The following ABCB7 variants were observed in gnomAD, a reference collection of about 807,000 sequenced individuals.
ABCB7 encodes iron-sulfur clusters transporter ABCB7, mitochondrial.
In ABCB7, 7 loss-of-function variants were observed where a neutral mutation model predicts 54.4. The observed-to-expected ratio is 0.13, with a 90% confidence interval of 0.07 to 0.24. ABCB7 has a LOEUF of 0.24. Ranked by LOEUF, ABCB7 falls within the 10% of genes least tolerant of loss-of-function variation. ABCB7 has a pLI of 1.00. For missense variants in ABCB7, 356 were observed against 570.4 expected (o/e 0.62, Z 3.83); for synonymous variants, 218 against 207.1 (o/e 1.05, Z -0.45).
chrX:75,075,238 T>G, intron 6 of ABCB7, 124 bp downstream of exon 6: 1 of 760,316 alleles, frequency 1.3e-6, no homozygotes, highest in Non-Finnish European at 1.9e-6. Context: ...TGCATAATAT[T>G]TCTGGCATCA....
intron 1 of ABCB7, among the ~76,000 whole-genome samples, chrX:75,115,583 CT>C (rs1204609689): frequency 9.2e-6 from 1 of 108,348 alleles, no homozygotes; most frequent in Non-Finnish European, 1.9e-5. Context: ...CTTCTTTCGT[CT>C]TAATCGGAAT....
At chrX:75,056,029 C>T (rs923637622) in intron 15 of ABCB7, among the ~76,000 whole-genome samples, 2 of 111,257 alleles carry the variant, frequency 1.8e-5, no homozygotes, top group Non-Finnish European at 3.8e-5. Context: ...AATACATCTT[C>T]AGTGCATTAC....
At chrX:75,056,053 T>C in intron 15 of ABCB7, among the ~76,000 whole-genome samples, 1 of 111,567 alleles carries the variant, frequency 9.0e-6, no homozygotes, top group African/African-American at 3.3e-5. Flanking sequence ...AGGAGGTACA[T>C]GAGTTCAATT....
intron 12 of ABCB7, among the ~76,000 whole-genome samples, chrX:75,066,985 C>A (rs2147458698): frequency 9.0e-6 from 1 of 111,710 alleles, no homozygotes; most frequent in East Asian, 2.8e-4. Flanking sequence ...CTGTAATGAA[C>A]ATATTTGCAT....
At chrX:75,152,670 T>C (rs987789490) in intron 1 of ABCB7, among the ~76,000 whole-genome samples, 6 of 109,980 alleles carry the variant, frequency 5.5e-5, no homozygotes, top group Admixed American at 9.6e-5. Context: ...TTTTTTTTTC[T>C]TTTTTTTGAG....
chrX:75,149,614 C>G (rs989702363), intron 1 of ABCB7, among the ~76,000 whole-genome samples: 1 of 111,000 alleles, frequency 9.0e-6, no homozygotes, highest in Non-Finnish European at 1.9e-5. Flanking sequence ...TGTAACATAC[C>G]GTGCCTAGCT....
Position 75,061,491 on chromosome X carries a change from C to T in ABCB7, c.1935+837G>A, listed in dbSNP as rs887025688. Among the ~76,000 whole-genome samples the T allele has an allele frequency of 3.6e-5, 4 of 111,596 alleles. No homozygotes were observed. The Admixed American group carries it at 3.8e-4, about 11-fold the overall frequency. ...TAAATATATGCTAACCAATTCACTT[C>T]AAAATTAAATTGCTTTAAATATGCT... On this transcript the variant is annotated intron_variant, in intron 14 of 15. Coordinates refer to ENST00000373394, the MANE Select transcript of ABCB7 (RefSeq NM_001271696.3).
chrX:75,070,823 G>A (rs1160152878), intron 9 of ABCB7, among the ~76,000 whole-genome samples: 1 of 110,932 alleles, frequency 9.0e-6, no homozygotes, highest in East Asian at 2.8e-4. Flanking sequence ...ACTAGCAATG[G>A]TTTCTTTGTA....
intron 1 of ABCB7, among the ~76,000 whole-genome samples, chrX:75,154,317 C>T (rs2082156720): frequency 9.0e-6 from 1 of 111,527 alleles, no homozygotes; most frequent in Non-Finnish European, 1.9e-5. Flanking sequence ...AATAACTTCT[C>T]CTTTTCCCTC....
chrX:75,053,881 A>G (rs577370588), intron 15 of ABCB7, among the ~76,000 whole-genome samples: 3 of 112,209 alleles, frequency 2.7e-5, no homozygotes, highest in African/African-American at 9.7e-5. Context: ...GAAGGGAAGA[A>G]AGGGAAGGTT....
intron 8 of ABCB7, among the ~76,000 whole-genome samples, chrX:75,072,401 A>C (rs2081369864): frequency 8.9e-6 from 1 of 111,781 alleles, no homozygotes; most frequent in African/African-American, 3.2e-5. Flanking sequence ...ACTTACACAA[A>C]CCTAGATGGT....
intron 1 of ABCB7, among the ~76,000 whole-genome samples, chrX:75,137,764 G>A (rs2082020980): frequency 8.9e-6 from 1 of 111,811 alleles, no homozygotes; most frequent in South Asian, 3.7e-4. Flanking sequence ...TAAGCTAACA[G>A]ACGTAAAGAG....
intron 3 of ABCB7, among the ~76,000 whole-genome samples, chrX:75,105,656 G>T (rs2147513523): frequency 9.0e-6 from 1 of 111,521 alleles, no homozygotes; most frequent in Admixed American, 9.5e-5. Context: ...AGAAAAAACT[G>T]TTCTAAAATT....
At position 75,099,156 on chromosome X, in the gene ABCB7, T is replaced by C. The variant is rs2081617795; in HGVS notation, c.334-95A>G. The C allele has an allele frequency of 4.2e-6, 4 of 941,817 alleles. No individual in the cohort carries two copies. In the Admixed American group the frequency reaches 7.9e-5, roughly 19 times the overall value. The allele number at this position is 941,817 out of a possible 1,213,427, so 77.6% of individuals were successfully genotyped here. A position where few individuals can be genotyped will look rare whatever the true frequency, so the allele number is the denominator to read the frequency against. The stretch of plus-strand genomic sequence containing the variant: ...AGAATTTATATATTTGAGAAATACA[T>C]GAAAACATTACAAATATAACTTTTA... On this transcript the variant is annotated intron_variant, in intron 3 of 15. Transcript: ENST00000373394.
rs140993578 is a variant in ABCB7 at position 75,126,344 on chromosome X, C to T, written c.169-11513G>A. On this transcript the variant is annotated intron_variant, in intron 1 of 15. Coordinates refer to ENST00000373394, the MANE Select transcript of ABCB7 (RefSeq NM_001271696.3). ...TTTGGCTGCTTGAAATAAGTAAGTT[C>T]TTTGAAACAAATGAGAACAATGACA... Among the ~76,000 whole-genome samples the T allele has an allele frequency of 8.6e-3, 965 of 111,779 alleles. 5 individuals carry two copies. Among genetic ancestry groups the T allele is most frequent in the Non-Finnish European group, 0.014 (728 of 53,061 alleles).
At chrX:75,059,283 G>A (rs12389936) in intron 15 of ABCB7, among the ~76,000 whole-genome samples, 3,142 of 110,126 alleles carry the variant, frequency 0.029, 116 homozygotes, top group African/African-American at 0.1. Flanking sequence ...TTTAAGACCA[G>A]CCTGGGCAAC....
intron 1 of ABCB7, among the ~76,000 whole-genome samples, chrX:75,147,059 A>C (rs2082096778): frequency 8.9e-6 from 1 of 111,914 alleles, no homozygotes. Flanking sequence ...AGCACACAAA[A>C]AAAAAAATGC....
chrX:75,067,310 A>G (rs1358710329), intron 12 of ABCB7, among the ~76,000 whole-genome samples: 1 of 111,370 alleles, frequency 9.0e-6, no homozygotes, highest in African/African-American at 3.3e-5. Flanking sequence ...CTGATGATGT[A>G]TATTTTCCCT....
At chrX:75,105,023 A>G (rs929746946) in intron 3 of ABCB7, among the ~76,000 whole-genome samples, 1 of 111,690 alleles carries the variant, frequency 9.0e-6, no homozygotes, top group Non-Finnish European at 1.9e-5. Flanking sequence ...CATAGAAAAA[A>G]TACACCTCAA....
Sources: allele counts gnomAD v4.1 joint callset (sites outside exome capture counted in the v4.1 genomes callset), GRCh38; gene constraint gnomAD v4.1.1; transcripts MANE v1.5; gene names NCBI Gene and HGNC (gene_info 2026-07-23, HGNC 2026-07-21).